GPC5: variants seen among roughly 807,000 people sequenced by gnomAD.
The protein encoded by GPC5 is glypican-5.
A neutral mutation model predicts 53.9 loss-of-function variants in GPC5; 47 were observed. The observed-to-expected ratio is 0.87, with a 90% CI of 0.69 to 1.11. GPC5 has a LOEUF of 1.11. GPC5 is among the 50% of genes most tolerant of loss of function. The pLI is 0.00. For synonymous variants in GPC5, 286 were observed against 263.3 expected (o/e 1.09, Z -0.84); for missense variants, 748 against 713.1 (o/e 1.05, Z -0.56).
rs1200709187 is a variant in GPC5, at chr13:92,283,873, G to T, written c.1561+138884G>T. On this transcript the variant is annotated intron_variant, in intron 7 of 7. Transcript: ENST00000377067. ...AAACACATTCAAAAGCTAGCAGAAG[G>T]CAAGAAATAACTAAGATCAGAGCAG... Among the ~76,000 whole-genome samples, 4 of 152,144 alleles carry T rather than the reference G, an allele frequency of 2.6e-5. No individual in the cohort carries two copies. In the South Asian group the frequency reaches 6.2e-4, roughly 24 times the overall value.
intron 7 of GPC5, among the ~76,000 whole-genome samples, chr13:92,697,075 G>C (rs9523779): frequency 0.54 from 80,892 of 149,228 alleles, 22,791 homozygotes; most frequent in East Asian, 0.83. Context: ...TTTGGTAGCA[G>C]TACCATGCTG....
At chr13:91,718,093 C>A (rs138142008) in intron 3 of GPC5, among the ~76,000 whole-genome samples, 1 of 150,196 alleles carries the variant, frequency 6.7e-6, no homozygotes, top group African/African-American at 2.4e-5. Context: ...CCACTTTCCC[C>A]TAATCTTTGT....
intron 2 of GPC5, among the ~76,000 whole-genome samples, chr13:91,569,920 C>A (rs1486757649): frequency 6.6e-6 from 1 of 152,162 alleles, no homozygotes; most frequent in African/African-American, 2.4e-5. Flanking sequence ...AAATAAGTTT[C>A]TGTTTTTTAT....
intron 1 of GPC5, among the ~76,000 whole-genome samples, chr13:91,443,805 T>G (rs1386469178): frequency 1.3e-5 from 2 of 152,234 alleles, no homozygotes; most frequent in East Asian, 3.8e-4. Context: ...ATGTTGGTAC[T>G]TATAATTCAA....
chr13:92,064,542 G>A (rs1049439080), intron 6 of GPC5, among the ~76,000 whole-genome samples: 3 of 152,244 alleles, frequency 2.0e-5, no homozygotes, highest in Non-Finnish European at 4.4e-5. Flanking sequence ...TGGATCACAA[G>A]GGCAGGGTTT....
intron 4 of GPC5, among the ~76,000 whole-genome samples, chr13:91,755,207 T>C (rs574017992): frequency 9.7e-4 from 147 of 152,234 alleles, no homozygotes; most frequent in Middle Eastern, 3.4e-3. Context: ...GATTTCATTT[T>C]TAAAAAATTA....
chr13:92,567,421 T>C (rs1177045162), intron 7 of GPC5, among the ~76,000 whole-genome samples: 1 of 152,086 alleles, frequency 6.6e-6, no homozygotes, highest in Non-Finnish European at 1.5e-5. Context: ...TCCCCAAAGA[T>C]GTCCATATTC....
At chr13:92,124,764 G>C (rs2041681128) in intron 6 of GPC5, among the ~76,000 whole-genome samples, 1 of 152,154 alleles carries the variant, frequency 6.6e-6, no homozygotes, top group Non-Finnish European at 1.5e-5. Context: ...AAAAACTGTA[G>C]AGACCACTAC....
intron 7 of GPC5, among the ~76,000 whole-genome samples, chr13:92,484,881 C>T (rs993707573): frequency 9.9e-5 from 15 of 151,928 alleles, no homozygotes; most frequent in Non-Finnish European, 1.8e-4. Context: ...ACTATAGGTG[C>T]GTGCCACCAT....
chr13:91,717,324 C>T (rs539247020), intron 3 of GPC5, among the ~76,000 whole-genome samples: 3 of 152,244 alleles, frequency 2.0e-5, no homozygotes, highest in East Asian at 3.9e-4. Flanking sequence ...GAAGAACCAC[C>T]AAAGGCTTTG....
At chr13:91,555,049 T>A (rs1254890352) in intron 2 of GPC5, among the ~76,000 whole-genome samples, 4 of 152,208 alleles carry the variant, frequency 2.6e-5, no homozygotes, top group South Asian at 2.1e-4. Flanking sequence ...GCCTTTTAAT[T>A]TTTTTCTAAT....
chr13:92,560,351 C>T (rs1354708114), intron 7 of GPC5, among the ~76,000 whole-genome samples: 3 of 151,986 alleles, frequency 2.0e-5, no homozygotes, highest in Admixed American at 1.3e-4. Flanking sequence ...ACAAGGTCTG[C>T]GACATGATTT....
intron 7 of GPC5, among the ~76,000 whole-genome samples, chr13:92,770,490 T>G (rs1875573895): frequency 6.6e-6 from 1 of 151,930 alleles, no homozygotes; most frequent in African/African-American, 2.4e-5. Flanking sequence ...TAAAGTAACT[T>G]CTCTGCTGAC....
At chr13:92,690,640 G>T (rs192597888) in intron 7 of GPC5, among the ~76,000 whole-genome samples, 1 of 145,276 alleles carries the variant, frequency 6.9e-6, no homozygotes, top group Admixed American at 7.1e-5. Context: ...GAGGAGAGGC[G>T]CTCTGCGTTT....
At chr13:92,642,779 AGAG>A (rs1460120891) in intron 7 of GPC5, among the ~76,000 whole-genome samples, 1 of 152,226 alleles carries the variant, frequency 6.6e-6, no homozygotes, top group East Asian at 1.9e-4. Context: ...TAGAAGAAAC[AGAG>A]GAGAGAGAAA....
chr13:91,499,382 G>A (rs1884493280), intron 2 of GPC5, among the ~76,000 whole-genome samples: 1 of 152,120 alleles, frequency 6.6e-6, no homozygotes, highest in Non-Finnish European at 1.5e-5. Flanking sequence ...AGAGAAAAGT[G>A]AGAGATGGAG....
chr13:92,714,546 C>A (rs1040201196), intron 7 of GPC5, among the ~76,000 whole-genome samples: 39 of 152,300 alleles, frequency 2.6e-4, no homozygotes, highest in African/African-American at 9.1e-4. Flanking sequence ...AGCTTTTCTA[C>A]CTTCATTATC....
chr13:92,512,261 CGCGT>C (rs1880600296), intron 7 of GPC5, among the ~76,000 whole-genome samples: 1 of 150,808 alleles, frequency 6.6e-6, no homozygotes, highest in Non-Finnish European at 1.5e-5. Flanking sequence ...CGCGCGCGCG[CGCGT>C]ACGCTGTGTG....
intron 7 of GPC5, among the ~76,000 whole-genome samples, chr13:92,164,619 C>T (rs1296513464): frequency 6.6e-6 from 1 of 152,144 alleles, no homozygotes; most frequent in African/African-American, 2.4e-5. Context: ...TGTGGCTTTT[C>T]CAGGCACACA....
Sources: allele counts gnomAD v4.1 joint callset (sites outside exome capture counted in the v4.1 genomes callset), GRCh38; gene constraint gnomAD v4.1.1; transcripts MANE v1.5; gene names NCBI Gene and HGNC (gene_info 2026-07-23, HGNC 2026-07-21).